TRIM2: variants seen among roughly 807,000 people sequenced by gnomAD.
TRIM2 encodes the protein tripartite motif-containing protein 2.
Under a neutral mutation model 75.2 loss-of-function variants are expected in TRIM2, and 20 were observed. The ratio of observed to expected loss-of-function variants is 0.27; its 90% CI spans 0.19 to 0.39. The LOEUF is 0.39. Among genes scored for constraint, TRIM2 ranks in the 10% least tolerant of loss-of-function variants. The probability of loss-of-function intolerance (pLI) is 1.00; values close to 1 mark genes in which losing one functional copy is unlikely to be tolerated. For synonymous variants in TRIM2, 373 were observed against 388.3 expected (o/e 0.96, Z 0.46); for missense variants, 660 against 990.8 (o/e 0.67, Z 4.48).
intron 1 of TRIM2, among the ~76,000 whole-genome samples, chr4:153,239,834 C>CTTT (rs372940429): frequency 1.4e-4 from 16 of 117,656 alleles, no homozygotes; most frequent in African/African-American, 3.3e-4. Flanking sequence ...CTTTCTTTCT[C>CTTT]TTTTTTTTTT....
intron 1 of TRIM2, among the ~76,000 whole-genome samples, chr4:153,238,975 G>C (rs1745743275): frequency 6.6e-6 from 1 of 152,144 alleles, no homozygotes; most frequent in Non-Finnish European, 1.5e-5. Context: ...CGGAGCCTTT[G>C]GAAGGTGATT....
At chr4:153,281,842 C>T (rs1260782009) in intron 3 of TRIM2, among the ~76,000 whole-genome samples, 2 of 152,176 alleles carry the variant, frequency 1.3e-5, no homozygotes, top group African/African-American at 2.4e-5. Context: ...CCTCATGGTC[C>T]CTGGAACACA....
intron 6 of TRIM2, 131 bp from the exon 7 acceptor site, chr4:153,315,354 C>T: frequency 1.5e-6 from 1 of 650,320 alleles, no homozygotes; most frequent in Non-Finnish European, 2.5e-6. Context: ...AGGGAGGGTG[C>T]CCTTTTTTTA....
chr4:153,215,593 C>G (rs1738267606), intron 1 of TRIM2, among the ~76,000 whole-genome samples: 1 of 152,044 alleles, frequency 6.6e-6, no homozygotes, highest in Non-Finnish European at 1.5e-5. Context: ...TACCCTGTTA[C>G]TATCCCTTTG....
upstream of TRIM2, chr4:153,152,428 A>G (rs1445189204): frequency 2.3e-5 from 1 of 43,824 alleles, no homozygotes; most frequent in African/African-American, 4.4e-5. Context: ...ATATATATAT[A>G]TACACACATA....
At chr4:153,296,200 C>T (rs1762730942) in intron 6 of TRIM2, among the ~76,000 whole-genome samples, 164 bp downstream of exon 6, 1 of 152,152 alleles carries the variant, frequency 6.6e-6, no homozygotes, top group Middle Eastern at 3.2e-3. Flanking sequence ...CGAGCTTATG[C>T]AGTCTCCTCC....
At position 153,319,807 on chromosome 4, in the gene TRIM2, C is replaced by T. The variant is rs146991871; in HGVS notation, c.1783-2841C>T. Among the ~76,000 whole-genome samples, 326 of 152,098 alleles carry T rather than the reference C, an allele frequency of 2.1e-3. 1 individual carries two copies. Among genetic ancestry groups the T allele is most frequent in the African/African-American group, 7.5e-3 (310 of 41,486 alleles). ...TGGGGTTGACACAATCAGGGAAATG[C>T]AGGGATTCTTACCTTTCACTTGGTT... On this transcript the variant is annotated intron_variant, in intron 8 of 11. Coordinates refer to ENST00000338700, the MANE Select transcript of TRIM2 (RefSeq NM_015271.5).
intron 6 of TRIM2, among the ~76,000 whole-genome samples, chr4:153,301,074 C>T (rs1386580231): frequency 2.6e-5 from 4 of 151,734 alleles, no homozygotes; most frequent in Admixed American, 6.6e-5. Context: ...GCCTGTAGTC[C>T]CAGCTACTCG....
At chr4:153,280,801 C>T (rs1759159417) in intron 3 of TRIM2, among the ~76,000 whole-genome samples, 1 of 152,118 alleles carries the variant, frequency 6.6e-6, no homozygotes, top group African/African-American at 2.4e-5. Context: ...TCTCCTGCCT[C>T]AGCCGCCCGA....
intron 1 of TRIM2, among the ~76,000 whole-genome samples, chr4:153,190,507 ATT>A (rs60062851): frequency 6.6e-6 from 1 of 151,894 alleles, no homozygotes; most frequent in Non-Finnish European, 1.5e-5. Context: ...AGGCTTAAAG[ATT>A]TTTTTTTAAA....
chr4:153,174,070 G>A lies in TRIM2; in HGVS notation c.-49+20800G>A, dbSNP rs182853454. Among the ~76,000 whole-genome samples, 11 of 50,212 alleles carry A rather than the reference G, an allele frequency of 2.2e-4. No individual in the cohort carries two copies. In the East Asian group the frequency reaches 4.8e-3, roughly 22 times the overall value. The allele number at this position is 50,212 out of a possible 152,430, so 32.9% of individuals were successfully genotyped here. On this transcript the variant is annotated intron_variant, in intron 1 of 11. Coordinates refer to the TRIM2 transcript ENST00000437508. Reference sequence around the variant, plus strand: ...ACAGTAGCAGAAGCCCCAGGCCCCCGGGTGGGAATAGCCCTCGTGGGTGCC... The same window carrying A: ...ACAGTAGCAGAAGCCCCAGGCCCCCAGGTGGGAATAGCCCTCGTGGGTGCC...
intron 10 of TRIM2, among the ~76,000 whole-genome samples, chr4:153,326,184 A>C (rs1315821746): frequency 1.3e-5 from 2 of 152,210 alleles, no homozygotes; most frequent in South Asian, 4.1e-4. Context: ...CTGCCTCTTA[A>C]TTTGTTTTCA....
chr4:153,313,015 T>C (rs1766699245), intron 6 of TRIM2, among the ~76,000 whole-genome samples: 1 of 152,132 alleles, frequency 6.6e-6, no homozygotes, highest in Admixed American at 6.5e-5. Flanking sequence ...TTCAGAAATA[T>C]ATAAGCAACG....
chr4:153,165,559 C>T (rs956517262), intron 1 of TRIM2, among the ~76,000 whole-genome samples: 8 of 152,138 alleles, frequency 5.3e-5, no homozygotes, highest in African/African-American at 1.9e-4. Flanking sequence ...TCTCGAACTC[C>T]CGGGCTCAAG....
intron 1 of TRIM2, among the ~76,000 whole-genome samples, chr4:153,244,275 T>C (rs1466753351): frequency 1.6e-4 from 2 of 12,454 alleles, no homozygotes; most frequent in African/African-American, 4.0e-4. Context: ...CTCCTCCTCC[T>C]CCTCCTCCTC....
At chr4:153,241,026 G>A (rs1746423307) in intron 1 of TRIM2, among the ~76,000 whole-genome samples, 1 of 152,196 alleles carries the variant, frequency 6.6e-6, no homozygotes, top group Non-Finnish European at 1.5e-5. Flanking sequence ...GCAGTGAGCC[G>A]AGATTGCGCC....
intron 1 of TRIM2, among the ~76,000 whole-genome samples, chr4:153,239,913 C>T (rs1420760989): frequency 1.3e-5 from 2 of 150,572 alleles, no homozygotes; most frequent in African/African-American, 4.9e-5. Flanking sequence ...CTGCAACCTC[C>T]GCCTCCTGGG....
intron 1 of TRIM2, among the ~76,000 whole-genome samples, chr4:153,187,463 GA>G (rs1732718501): frequency 6.6e-6 from 1 of 152,200 alleles, no homozygotes; most frequent in Admixed American, 6.5e-5. Context: ...CTCACCAAGT[GA>G]CAAGGGAGAG....
chr4:153,302,173 C>T (rs954481617), intron 6 of TRIM2, among the ~76,000 whole-genome samples: 2 of 152,082 alleles, frequency 1.3e-5, no homozygotes, highest in Admixed American at 1.3e-4. Context: ...TTTCTGTGTA[C>T]AGATCTTTTA....
Sources: allele counts gnomAD v4.1 joint callset (sites outside exome capture counted in the v4.1 genomes callset), GRCh38; gene constraint gnomAD v4.1.1; transcripts MANE v1.5; gene names NCBI Gene and HGNC (gene_info 2026-07-23, HGNC 2026-07-21).